The following PTPRN2 variants were observed in gnomAD, a reference collection of about 807,000 sequenced individuals.
The protein encoded by PTPRN2 is receptor-type tyrosine-protein phosphatase N2.
A neutral mutation model predicts 118.8 loss-of-function variants in PTPRN2; 74 were observed. The observed-to-expected ratio is 0.62, with a 90% CI of 0.52 to 0.76. The LOEUF (loss-of-function observed/expected upper bound fraction) is 0.76. PTPRN2 is among the 30% of genes least tolerant of loss of function. The probability of loss-of-function intolerance (pLI) is 0.00; values close to 1 mark genes in which losing one functional copy is unlikely to be tolerated. For synonymous variants in PTPRN2, 641 were observed against 608.0 expected (o/e 1.05, Z -0.80); for missense variants, 1,481 against 1,394.4 (o/e 1.06, Z -0.99).
intron 12 of PTPRN2, among the ~76,000 whole-genome samples, chr7:157,839,418 TGAGA>T (rs927949403): frequency 3.1e-4 from 47 of 151,548 alleles, no homozygotes; most frequent in African/African-American, 1.1e-3. Flanking sequence ...TTTGTGTTTG[TGAGA>T]GAGACTGTGT....
At chr7:158,538,268 G>A (rs914236673) in intron 1 of PTPRN2, among the ~76,000 whole-genome samples, 1 of 152,210 alleles carries the variant, frequency 6.6e-6, no homozygotes, top group East Asian at 1.9e-4. Flanking sequence ...ACCGCATCTC[G>A]GAAAGTGTTT....
chr7:158,174,468 C>T (rs2150630088), intron 5 of PTPRN2, among the ~76,000 whole-genome samples: 1 of 151,932 alleles, frequency 6.6e-6, no homozygotes. Context: ...CCTCAACCAT[C>T]AGCTTCCCAC....
At chr7:158,049,209 A>ATCC (rs1809147428) in intron 11 of PTPRN2, among the ~76,000 whole-genome samples, 1 of 151,530 alleles carries the variant, frequency 6.6e-6, no homozygotes, top group Non-Finnish European at 1.5e-5. Flanking sequence ...TATCATCATC[A>ATCC]TCATCATCAT....
chr7:158,034,065 A>G (rs1356437387), intron 11 of PTPRN2, among the ~76,000 whole-genome samples: 1 of 133,792 alleles, frequency 7.5e-6, no homozygotes, highest in African/African-American at 2.9e-5. Flanking sequence ...CCCATTAAAA[A>G]CTCTGCATGC....
At chr7:158,365,866 T>C (rs1809435320) in intron 2 of PTPRN2, among the ~76,000 whole-genome samples, 3 of 40,222 alleles carry the variant, frequency 7.5e-5, no homozygotes, top group African/African-American at 1.5e-4. Flanking sequence ...ACACACAGCA[T>C]CCCTGGGAGA....
intron 11 of PTPRN2, among the ~76,000 whole-genome samples, chr7:158,071,704 AG>A (rs1178020265): frequency 1.6e-5 from 1 of 64,392 alleles, no homozygotes; most frequent in African/African-American, 6.0e-5. Context: ...CTTGTGGTGG[AG>A]GTGCTCCTGG....
chr7:157,710,420 A>G (rs1798546252), intron 12 of PTPRN2, among the ~76,000 whole-genome samples: 1 of 152,088 alleles, frequency 6.6e-6, no homozygotes, highest in African/African-American at 2.4e-5. Flanking sequence ...CCAGGTGGCC[A>G]ACACAGTGAG....
chr7:158,376,106 C>T lies in PTPRN2; in HGVS notation c.164-59174G>A, dbSNP rs140155173. Among the ~76,000 whole-genome samples, 164 of 152,300 alleles carry T rather than the reference C, an allele frequency of 1.1e-3. 1 individual carries two copies. The East Asian group carries it at 0.026, about 25-fold the overall frequency. ...GCGGCTTTGGGAGTCACAGACACCC[C>T]ACCCCTGGATGCTACTGCAGGGCCA... On this transcript the variant is annotated intron_variant, in intron 2 of 22. Coordinates refer to ENST00000389418, the MANE Select transcript of PTPRN2 (RefSeq NM_002847.5).
chr7:158,481,868 C>T (rs1006822031), intron 2 of PTPRN2, among the ~76,000 whole-genome samples: 4 of 152,344 alleles, frequency 2.6e-5, no homozygotes, highest in Admixed American at 2.0e-4. Flanking sequence ...GGAAAAAATT[C>T]ACCGTTCTAG....
intron 2 of PTPRN2, among the ~76,000 whole-genome samples, chr7:158,452,772 C>G (rs1490053933): frequency 6.6e-6 from 1 of 152,222 alleles, no homozygotes; most frequent in African/African-American, 2.4e-5. Context: ...GAGAAAGTCC[C>G]AACACCACAG....
intron 2 of PTPRN2, among the ~76,000 whole-genome samples, chr7:158,319,248 C>G (rs1293176055): frequency 6.6e-6 from 1 of 152,140 alleles, no homozygotes; most frequent in African/African-American, 2.4e-5. Flanking sequence ...CTTAGACTAT[C>G]CCTGTGCTGA....
intron 3 of PTPRN2, among the ~76,000 whole-genome samples, chr7:158,310,430 T>C (rs1205078333): frequency 6.6e-6 from 1 of 152,238 alleles, no homozygotes; most frequent in Non-Finnish European, 1.5e-5. Flanking sequence ...GAAGAGGCTG[T>C]GCTCCTCGCA....
At chr7:158,494,171 C>G (rs188498073) in intron 1 of PTPRN2, among the ~76,000 whole-genome samples, 2 of 152,208 alleles carry the variant, frequency 1.3e-5, no homozygotes, top group African/African-American at 4.8e-5. Flanking sequence ...CAGAGCCCAC[C>G]ACCTCTCTCA....
At chr7:157,829,688 C>T (rs553344176) in intron 12 of PTPRN2, among the ~76,000 whole-genome samples, 28 of 152,308 alleles carry the variant, frequency 1.8e-4, no homozygotes, top group African/African-American at 6.7e-4. Flanking sequence ...GTGCACCCAC[C>T]TGCTGAGAGC....
intron 6 of PTPRN2, among the ~76,000 whole-genome samples, chr7:158,149,672 CGCATGCCTGTAGTCCCAGCTACTCAGGA>C (rs1820734365): frequency 6.6e-6 from 1 of 151,950 alleles, no homozygotes; most frequent in Admixed American, 6.6e-5. Flanking sequence ...GGCGTGGTGG[CGCATGCCTGTAGTCCCAGCTACTCAGGA>C]GGCTAAGGCA....
At chr7:157,669,461 C>G in intron 13 of PTPRN2, 4 of 460,002 alleles carry the variant, frequency 8.7e-6, no homozygotes, top group Non-Finnish European at 1.7e-5. Context: ...ATGCCCCTGA[C>G]AGCAGCGCCC....
chr7:158,146,586 T>C (rs1383799640), intron 6 of PTPRN2, among the ~76,000 whole-genome samples: 2 of 150,620 alleles, frequency 1.3e-5, no homozygotes, highest in Non-Finnish European at 3.0e-5. Flanking sequence ...CCAGGCGTGG[T>C]GGCGGGCGCC....
chr7:157,713,881 C>G (rs188485066), intron 12 of PTPRN2, among the ~76,000 whole-genome samples: 4 of 152,222 alleles, frequency 2.6e-5, no homozygotes, highest in Non-Finnish European at 4.4e-5. Context: ...ATGGCACACA[C>G]CTGCTGCTCT....
chr7:158,496,315 C>CG (rs1662377605), intron 1 of PTPRN2, among the ~76,000 whole-genome samples: 1 of 113,176 alleles, frequency 8.8e-6, no homozygotes, highest in Non-Finnish European at 1.8e-5. Flanking sequence ...GCAGCGTCCC[C>CG]CTTTCCTGTG....
Sources: gnomAD v4.1 joint callset for allele counts (sites outside exome capture counted in the v4.1 genomes callset) on GRCh38, gnomAD v4.1.1 for gene constraint, MANE v1.5 for transcripts, NCBI Gene and HGNC (gene_info 2026-07-23, HGNC 2026-07-21) for gene names.